Variants in ZFHX3 observed in about 807,000 individuals in gnomAD.
The protein encoded by ZFHX3 is zinc finger homeobox protein 3.
Under a neutral mutation model 279.1 loss-of-function variants are expected in ZFHX3, and 42 were observed. The ratio of observed to expected loss-of-function variants is 0.15; its 90% CI spans 0.12 to 0.19. ZFHX3 has a LOEUF of 0.19. Among genes scored for constraint, ZFHX3 ranks in the 10% least tolerant of loss-of-function variants. ZFHX3 has a pLI of 1.00. For synonymous variants in ZFHX3, 2,293 were observed against 1,957.8 expected (o/e 1.17, Z -4.52); for missense variants, 4,981 against 4,754.0 (o/e 1.05, Z -1.40).
At chr16:72,814,918 C>T (rs2036560416) in intron 5 of ZFHX3, among the ~76,000 whole-genome samples, 1 of 152,052 alleles carries the variant, frequency 6.6e-6, no homozygotes. Context: ...AAAGCAATGC[C>T]ATCCTTATAA....
At chr16:73,678,672 C>G (rs2052978921) in intron 2 of ZFHX3, among the ~76,000 whole-genome samples, 1 of 151,934 alleles carries the variant, frequency 6.6e-6, no homozygotes, top group Non-Finnish European at 1.5e-5. Flanking sequence ...ACCAAAAAAA[C>G]TGCTATATGT....
At chr16:73,390,030 A>G (rs954162967) in intron 3 of ZFHX3, among the ~76,000 whole-genome samples, 1 of 152,236 alleles carries the variant, frequency 6.6e-6, no homozygotes, top group African/African-American at 2.4e-5. Flanking sequence ...ACTGCACTCC[A>G]GCCTGGGTGA....
chr16:73,747,757 A>T (rs772155177), intron 1 of ZFHX3, among the ~76,000 whole-genome samples: 6 of 152,210 alleles, frequency 3.9e-5, no homozygotes, highest in Non-Finnish European at 5.9e-5. Context: ...CAGCCATCTC[A>T]AATTTAATAT....
At chr16:73,615,275 A>G (rs1364148667) in intron 2 of ZFHX3, among the ~76,000 whole-genome samples, 1 of 152,178 alleles carries the variant, frequency 6.6e-6, no homozygotes, top group Non-Finnish European at 1.5e-5. Flanking sequence ...AGGGCAGACC[A>G]GAACTAGAAT....
At chr16:73,819,523 T>C (rs897602800) in intron 1 of ZFHX3, among the ~76,000 whole-genome samples, 1 of 152,074 alleles carries the variant, frequency 6.6e-6, no homozygotes, top group African/African-American at 2.4e-5. Context: ...AGTCTTAGGA[T>C]TCTAAATGTA....
intron 1 of ZFHX3, among the ~76,000 whole-genome samples, chr16:73,864,796 TCCCAATA>T (rs60772952): frequency 0.52 from 78,821 of 150,720 alleles, 20,933 homozygotes; most frequent in African/African-American, 0.63. Context: ...CCATTAGGCA[TCCCAATA>T]CCCAATAAAG....
chr16:73,092,613 C>T (rs1195723452), intron 8 of ZFHX3: 5 of 243,166 alleles, frequency 2.1e-5, no homozygotes, highest in South Asian at 5.4e-5. Flanking sequence ...ATCAAATAGA[C>T]GCCTTCATAG....
intron 4 of ZFHX3, among the ~76,000 whole-genome samples, chr16:73,269,040 T>C (rs2014067003): frequency 6.6e-6 from 1 of 152,252 alleles, no homozygotes; most frequent in South Asian, 2.1e-4. Flanking sequence ...AAAAGCTCTT[T>C]GGTTATTGTT....
At chr16:73,334,735 CCCT>C (rs1254419195) in intron 3 of ZFHX3, among the ~76,000 whole-genome samples, 1 of 151,556 alleles carries the variant, frequency 6.6e-6, no homozygotes, top group African/African-American at 2.4e-5. Flanking sequence ...TGAACCTGTC[CCCT>C]CCTCCTCTCA....
chr16:73,817,611 C>A (rs1029058843), intron 1 of ZFHX3, among the ~76,000 whole-genome samples: 4 of 152,186 alleles, frequency 2.6e-5, no homozygotes, highest in African/African-American at 9.6e-5. Context: ...GCTTTAGGAA[C>A]ATCTACTTGG....
At chr16:73,631,294 T>C (rs2052466357) in intron 2 of ZFHX3, among the ~76,000 whole-genome samples, 1 of 152,210 alleles carries the variant, frequency 6.6e-6, no homozygotes, top group African/African-American at 2.4e-5. Context: ...TAAAAAATGG[T>C]ATTTTCTTTA....
At chr16:73,722,842 A>G (rs377555219) in intron 1 of ZFHX3, among the ~76,000 whole-genome samples, 3 of 152,312 alleles carry the variant, frequency 2.0e-5, no homozygotes. Context: ...ATAATGCAGG[A>G]AGATGTAAGC....
At chr16:72,804,966 T>TTTTATTTA (rs10659744) in intron 7 of ZFHX3, among the ~76,000 whole-genome samples, 135 of 151,462 alleles carry the variant, frequency 8.9e-4, no homozygotes, top group African/African-American at 3.1e-3. Context: ...AGCAGAGAGA[T>TTTTATTTA]TTTATTTATT....
Position 73,188,201 on chromosome 16 carries a change from T to C in ZFHX3, c.-1103-44370A>G, listed in dbSNP as rs1466460804. Among the ~76,000 whole-genome samples the C allele has an allele frequency of 1.1e-4, 17 of 151,284 alleles. No homozygotes were observed. The East Asian group carries it at 2.0e-3, about 18-fold the overall frequency. On this transcript the variant is annotated intron_variant, in intron 5 of 17. Coordinates refer to the ZFHX3 transcript ENST00000641206. ...AACAGGGATATCTTTATTATTATTATTTTCCTTTTAAGAGACAGGGTCTGG... is the reference window on the plus strand; with the variant it reads ...AACAGGGATATCTTTATTATTATTACTTTCCTTTTAAGAGACAGGGTCTGG...
chr16:73,715,161 G>A (rs777819404), intron 1 of ZFHX3, among the ~76,000 whole-genome samples: 4 of 152,036 alleles, frequency 2.6e-5, no homozygotes, highest in Admixed American at 6.6e-5. Flanking sequence ...TCTGACTGCC[G>A]GCATCCCTGC....
At position 72,959,813 on chromosome 16, in the gene ZFHX3, C is replaced by A. The variant is rs780944337; in HGVS notation, c.333G>T (p.Glu111Asp). ...CCTCCTCACCGGTGTCGCTGGCGCT[C>A]TCCTCTCTCAGGGGTGGCGGGGGGC... ...SARPPPPLREESASDTGEEGD... is the reference protein window; with the variant it reads ...SARPPPPLREDSASDTGEEGD... The change falls in exon 2 of 10, where the codon GAG (glutamate) becomes GAT (aspartate). Residue 111 changes from glutamate (E) to aspartate (D), a missense_variant. Physicochemically the swap from Glu to Asp is conservative, Grantham distance 45 (BLOSUM62 2). This residue lies in a region of ZFHX3 where 1,068 missense variants were observed against 935.2 expected (regional missense o/e 1.14). Coordinates refer to ENST00000268489, the MANE Select transcript of ZFHX3 (RefSeq NM_006885.4). The A allele has an allele frequency of 1.9e-6, 3 of 1,595,090 alleles. No homozygotes were observed. Among genetic ancestry groups the A allele is most frequent in the Admixed American group, 3.4e-5 (2 of 58,894 alleles).
chr16:73,177,148 C>T (rs547530979), intron 5 of ZFHX3, among the ~76,000 whole-genome samples: 6 of 149,636 alleles, frequency 4.0e-5, no homozygotes, highest in Non-Finnish European at 5.9e-5. Context: ...AGCAAGACTC[C>T]GTCTCAAAAC....
At chr16:73,326,338 T>C (rs2015688524) in intron 3 of ZFHX3, among the ~76,000 whole-genome samples, 2 of 152,176 alleles carry the variant, frequency 1.3e-5, no homozygotes, top group East Asian at 1.9e-4. Flanking sequence ...GGGCTAATGT[T>C]CAACAGCAGT....
At chr16:73,107,965 T>C (rs113968180) in intron 7 of ZFHX3, among the ~76,000 whole-genome samples, 40,512 of 151,944 alleles carry the variant, frequency 0.27, 6,454 homozygotes, top group East Asian at 0.45. Flanking sequence ...ATCGAGACCA[T>C]CTTGGCTAAC....
Sources: allele counts gnomAD v4.1 joint callset (sites outside exome capture counted in the v4.1 genomes callset), GRCh38; gene constraint gnomAD v4.1.1; regional missense constraint gnomAD v4.1.1; transcripts MANE v1.5; gene names NCBI Gene and HGNC (gene_info 2026-07-23, HGNC 2026-07-21).